RARB: variants seen among roughly 807,000 people sequenced by gnomAD.
RARB encodes the protein retinoic acid receptor beta.
RARB carries 17 observed loss-of-function variants against 51.9 expected under a neutral mutation model. That is an observed-to-expected ratio of 0.33 (90% CI 0.22 to 0.49). The LOEUF (loss-of-function observed/expected upper bound fraction) is 0.49. Among genes scored for constraint, RARB ranks in the 20% least tolerant of loss-of-function variants. The pLI is 0.99. For missense variants in RARB, 369 were observed against 550.8 expected, an observed-to-expected ratio of 0.67 and a Z score of 3.30; for synonymous variants, 215 against 195.4, an observed-to-expected ratio of 1.10 and a Z score of -0.84.
In RARB at chr3:25,233,440, G is replaced by A. The variant is rs116431212; in HGVS notation, c.178+58865G>A. On this transcript the variant is annotated intron_variant, in intron 5 of 11. Transcript: ENST00000383772. ...AGTTCTAGGAGGTTTGTGTGTGTGG[G>A]TTTATAAATTCTTCAAGATTTTCCA... Among the ~76,000 whole-genome samples, 854 of 152,146 alleles carry A rather than the reference G, an allele frequency of 5.6e-3. 14 individuals are homozygous for A. Among genetic ancestry groups the A allele is most frequent in the African/African-American group, 0.018 (755 of 41,510 alleles).
intron 2 of RARB, among the ~76,000 whole-genome samples, chr3:25,037,656 G>T (rs1698024994): frequency 6.6e-6 from 1 of 152,100 alleles, no homozygotes. Context: ...CCTACCAAGG[G>T]CTAGGGGAGA....
chr3:25,549,736 A>G (rs1699769045), intron 3 of RARB, among the ~76,000 whole-genome samples: 1 of 152,152 alleles, frequency 6.6e-6, no homozygotes, highest in South Asian at 2.1e-4. Flanking sequence ...GAGATGAGAA[A>G]AAGGAAAGTC....
chr3:25,330,650 T>G (rs1704863775), intron 5 of RARB, among the ~76,000 whole-genome samples: 1 of 152,152 alleles, frequency 6.6e-6, no homozygotes, highest in Non-Finnish European at 1.5e-5. Flanking sequence ...CAGGATCAGA[T>G]TCACACATAA....
chr3:24,872,181 A>G (rs974618422), intron 2 of RARB, among the ~76,000 whole-genome samples: 1 of 152,116 alleles, frequency 6.6e-6, no homozygotes, highest in African/African-American at 2.4e-5. Context: ...ACCACTTCCA[A>G]CATACCCCCT....
At chr3:25,342,186 C>T (rs1440394209) in intron 5 of RARB, among the ~76,000 whole-genome samples, 9 of 152,276 alleles carry the variant, frequency 5.9e-5, no homozygotes, top group South Asian at 4.2e-4. Context: ...TGAAGTTTGA[C>T]CAGTGATCTT....
At chr3:25,494,515 C>G (rs1696926509) in intron 2 of RARB, among the ~76,000 whole-genome samples, 1 of 152,178 alleles carries the variant, frequency 6.6e-6, no homozygotes, top group Admixed American at 6.5e-5. Flanking sequence ...GTGGATCAGG[C>G]ACTACAGTGG....
intron 3 of RARB, among the ~76,000 whole-genome samples, chr3:25,073,987 A>T (rs1016899786): frequency 6.6e-6 from 1 of 152,226 alleles, no homozygotes; most frequent in African/African-American, 2.4e-5. Flanking sequence ...TCAGTACATG[A>T]CAAAATCTTG....
chr3:25,036,584 C>T (rs940009021), intron 2 of RARB, among the ~76,000 whole-genome samples: 1 of 152,038 alleles, frequency 6.6e-6, no homozygotes, highest in Non-Finnish European at 1.5e-5. Flanking sequence ...AAGATTATTC[C>T]AGTGGAAAGG....
chr3:24,946,949 C>G (rs1274393450), intron 2 of RARB, among the ~76,000 whole-genome samples: 4 of 152,128 alleles, frequency 2.6e-5, no homozygotes, highest in Non-Finnish European at 4.4e-5. Context: ...ATGCATAAAC[C>G]TAATTAAAAA....
At chr3:25,283,356 A>C (rs1288215341) in intron 5 of RARB, among the ~76,000 whole-genome samples, 1 of 152,184 alleles carries the variant, frequency 6.6e-6, no homozygotes, top group East Asian at 1.9e-4. Flanking sequence ...CTTCCATGGC[A>C]GGTCATTTTT....
intron 2 of RARB, among the ~76,000 whole-genome samples, chr3:24,971,747 G>T (rs1021240561): frequency 6.6e-6 from 1 of 152,052 alleles, no homozygotes; most frequent in East Asian, 1.9e-4. Flanking sequence ...CTTGGGCTTG[G>T]TATGCGCTGG....
intron 1 of RARB, among the ~76,000 whole-genome samples, chr3:25,435,442 T>C (rs1413530182): frequency 6.6e-6 from 1 of 152,184 alleles, no homozygotes; most frequent in Admixed American, 6.5e-5. Flanking sequence ...AGTACCTTTG[T>C]CATGTCATCA....
chr3:25,316,110 A>G (rs1015901500), intron 5 of RARB, among the ~76,000 whole-genome samples: 9 of 152,226 alleles, frequency 5.9e-5, no homozygotes, highest in African/African-American at 2.2e-4. Context: ...AAGATTTTGT[A>G]CAGATAGATG....
intron 5 of RARB, among the ~76,000 whole-genome samples, chr3:25,270,889 C>T (rs547904430): frequency 1.3e-5 from 2 of 152,326 alleles, no homozygotes; most frequent in African/African-American, 2.4e-5. Context: ...CAAATACTTT[C>T]GCCCCAATCT....
At chr3:25,496,030 G>A (rs1697013073) in intron 2 of RARB, among the ~76,000 whole-genome samples, 1 of 152,204 alleles carries the variant, frequency 6.6e-6, no homozygotes, top group African/African-American at 2.4e-5. Context: ...ACTAACAGCT[G>A]AGAAATCTGA....
intron 2 of RARB, among the ~76,000 whole-genome samples, chr3:24,890,271 C>CCT: frequency 6.6e-6 from 1 of 152,244 alleles, no homozygotes; most frequent in South Asian, 2.1e-4. Flanking sequence ...TGGTGCTAAG[C>CCT]CTCAACCTGT....
chr3:25,135,920 T>G (rs1389031067), intron 4 of RARB, among the ~76,000 whole-genome samples: 1 of 141,580 alleles, frequency 7.1e-6, no homozygotes, highest in Non-Finnish European at 1.5e-5. Context: ...AGCTTATCTT[T>G]GTAAAATTCC....
chr3:24,985,046 T>G (rs1001115650), intron 2 of RARB, among the ~76,000 whole-genome samples: 4 of 152,208 alleles, frequency 2.6e-5, no homozygotes, highest in African/African-American at 7.2e-5. Flanking sequence ...ATTCTGGAAA[T>G]TCATTAAATA....
At chr3:25,515,963 T>G (rs895304643) in intron 3 of RARB, among the ~76,000 whole-genome samples, 16 of 152,264 alleles carry the variant, frequency 1.1e-4, no homozygotes, top group Admixed American at 1.0e-3. Context: ...TACCTCTCAT[T>G]AGAAGAATCT....
Sources: gnomAD v4.1 joint callset for allele counts (sites outside exome capture counted in the v4.1 genomes callset) on GRCh38, gnomAD v4.1.1 for gene constraint, MANE v1.5 for transcripts, NCBI Gene and HGNC (gene_info 2026-07-23, HGNC 2026-07-21) for gene names.